Variants in DLG2 observed in about 807,000 individuals in gnomAD.
DLG2 encodes disks large homolog 2.
DLG2 carries 45 observed loss-of-function variants against 132.5 expected under a neutral mutation model. The observed-to-expected ratio is 0.34, with a 90% CI of 0.27 to 0.44. DLG2 has a LOEUF of 0.44. DLG2 is among the 20% of genes least tolerant of loss of function. The pLI is 1.00. For missense variants in DLG2, 1,045 were observed against 1,196.9 expected (o/e 0.87, Z 1.87); for synonymous variants, 424 against 419.6 (o/e 1.01, Z -0.13).
chr11:85,527,749 T>G (rs1382100600), intron 3 of DLG2, among the ~76,000 whole-genome samples: 1 of 152,202 alleles, frequency 6.6e-6, no homozygotes. Flanking sequence ...ATTTCTGGTT[T>G]TAGATCCTTG....
intron 6 of DLG2, among the ~76,000 whole-genome samples, chr11:85,018,692 G>A (rs1345771163): frequency 6.6e-6 from 1 of 151,866 alleles, no homozygotes; most frequent in Non-Finnish European, 1.5e-5. Flanking sequence ...GATGGCCCAA[G>A]TAAGTACGAT....
intron 6 of DLG2, among the ~76,000 whole-genome samples, chr11:84,903,844 ACCT>A (rs1402854021): frequency 3.3e-5 from 5 of 152,156 alleles, no homozygotes; most frequent in Admixed American, 3.3e-4. Flanking sequence ...AGTTACATCC[ACCT>A]CAGAAAAATT....
chr11:83,945,847 T>C (rs192953098), intron 14 of DLG2, among the ~76,000 whole-genome samples: 8 of 151,454 alleles, frequency 5.3e-5, no homozygotes, highest in African/African-American at 2.0e-4. Flanking sequence ...TGTGTGTGTT[T>C]TCTAATGTGC....
intron 18 of DLG2, among the ~76,000 whole-genome samples, chr11:83,710,441 C>T (rs1414280288): frequency 6.6e-6 from 1 of 152,150 alleles, no homozygotes; most frequent in Non-Finnish European, 1.5e-5. Flanking sequence ...GGATTATAGG[C>T]ATGAGCCACC....
intron 6 of DLG2, among the ~76,000 whole-genome samples, chr11:84,674,905 G>A (rs1181330317): frequency 6.6e-6 from 1 of 152,000 alleles, no homozygotes; most frequent in Non-Finnish European, 1.5e-5. Context: ...CTTCCCATTT[G>A]TTAATGACTT....
intron 6 of DLG2, among the ~76,000 whole-genome samples, chr11:84,885,131 T>A (rs188187742): frequency 2.6e-4 from 40 of 152,264 alleles, no homozygotes; most frequent in African/African-American, 9.4e-4. Context: ...TGAGGACTAC[T>A]GTAAAATGGA....
chr11:85,051,894 T>C (rs2062934865), intron 6 of DLG2, among the ~76,000 whole-genome samples: 1 of 152,200 alleles, frequency 6.6e-6, no homozygotes, highest in African/African-American at 2.4e-5. Flanking sequence ...TCAAGCCATC[T>C]GATAAGTCAT....
At chr11:84,572,686 G>T (rs1279562188) in intron 6 of DLG2, among the ~76,000 whole-genome samples, 3 of 152,034 alleles carry the variant, frequency 2.0e-5, no homozygotes, top group Non-Finnish European at 4.4e-5. Flanking sequence ...ACCATACTTT[G>T]CCTGAGCCGT....
At chr11:83,915,721 G>C (rs1272984517) in intron 15 of DLG2, among the ~76,000 whole-genome samples, 2 of 152,138 alleles carry the variant, frequency 1.3e-5, no homozygotes, top group African/African-American at 4.8e-5. Flanking sequence ...TTTTAAGTAA[G>C]CTTTATTGAG....
At chr11:84,675,397 G>C (rs537195528) in intron 6 of DLG2, among the ~76,000 whole-genome samples, 1 of 152,220 alleles carries the variant, frequency 6.6e-6, no homozygotes, top group South Asian at 2.1e-4. Context: ...GCTCTGGGAA[G>C]GCTCTCCATG....
At chr11:84,846,004 A>C (rs1258601712) in intron 6 of DLG2, among the ~76,000 whole-genome samples, 1 of 151,850 alleles carries the variant, frequency 6.6e-6, no homozygotes, top group Non-Finnish European at 1.5e-5. Context: ...TTGTACCTCA[A>C]GGTCTTCTCG....
intron 6 of DLG2, among the ~76,000 whole-genome samples, chr11:84,974,608 A>G (rs2054599800): frequency 6.6e-6 from 1 of 152,180 alleles, no homozygotes; most frequent in Non-Finnish European, 1.5e-5. Context: ...TCTTCAGTTG[A>G]TTTTATTGTT....
chr11:84,992,662 T>C (rs565086119), intron 6 of DLG2, among the ~76,000 whole-genome samples: 9 of 152,322 alleles, frequency 5.9e-5, no homozygotes, highest in Non-Finnish European at 1.0e-4. Flanking sequence ...TGAGCTTTTT[T>C]TCATATGTTT....
At chr11:83,585,564 C>T (rs539602901) in intron 19 of DLG2, among the ~76,000 whole-genome samples, 7 of 152,222 alleles carry the variant, frequency 4.6e-5, no homozygotes, top group African/African-American at 1.4e-4. Flanking sequence ...TCTCTTGTGA[C>T]GTAGGATTTG....
chr11:83,796,207 C>A (rs1188464742), intron 17 of DLG2, among the ~76,000 whole-genome samples: 1 of 152,166 alleles, frequency 6.6e-6, no homozygotes, highest in Non-Finnish European at 1.5e-5. Context: ...AAATGATCAT[C>A]TAACCTCCAT....
intron 2 of DLG2, among the ~76,000 whole-genome samples, chr11:85,611,873 G>A (rs760382716): frequency 6.6e-6 from 1 of 152,136 alleles, no homozygotes; most frequent in Non-Finnish European, 1.5e-5. Flanking sequence ...GGGAAGGAGA[G>A]GGGAGAACAG....
chr11:85,206,876 C>T (rs1429658582), intron 4 of DLG2, among the ~76,000 whole-genome samples: 2 of 151,940 alleles, frequency 1.3e-5, no homozygotes, highest in Non-Finnish European at 1.5e-5. Context: ...ATTTCAAGTC[C>T]AATGTCATCA....
At chr11:85,405,658 G>T (rs559177700) in intron 3 of DLG2, among the ~76,000 whole-genome samples, 1 of 152,074 alleles carries the variant, frequency 6.6e-6, no homozygotes, top group Admixed American at 6.6e-5. Context: ...AGATTAGAAA[G>T]GGGCTTAGAG....
intron 6 of DLG2, among the ~76,000 whole-genome samples, chr11:84,799,165 G>A (rs1464501458): frequency 6.6e-6 from 1 of 152,166 alleles, no homozygotes; most frequent in Non-Finnish European, 1.5e-5. Context: ...GTCCCAGACT[G>A]CCTTTCAAGT....
Sources: allele counts gnomAD v4.1 joint callset (sites outside exome capture counted in the v4.1 genomes callset), GRCh38; gene constraint gnomAD v4.1.1; transcripts MANE v1.5; gene names NCBI Gene and HGNC (gene_info 2026-07-23, HGNC 2026-07-21).